The following CDH12 variants were observed in gnomAD, a reference collection of about 807,000 sequenced individuals.
CDH12 encodes cadherin 12.
Under a neutral mutation model 74.1 loss-of-function variants are expected in CDH12, and 41 were observed. The observed-to-expected ratio is 0.55, with a 90% CI of 0.43 to 0.72. CDH12 has a LOEUF of 0.72. Ranked by LOEUF, CDH12 falls within the 30% of genes least tolerant of loss-of-function variation. The pLI, the probability that CDH12 is intolerant of heterozygous loss-of-function variation, is 0.00. For missense variants in CDH12, 945 were observed against 977.2 expected (o/e 0.97, Z 0.44); for synonymous variants, 399 against 355.0 (o/e 1.12, Z -1.39).
At chr5:22,357,546 C>T (rs944123084) in intron 3 of CDH12, among the ~76,000 whole-genome samples, 6 of 151,968 alleles carry the variant, frequency 3.9e-5, no homozygotes, top group Non-Finnish European at 5.9e-5. Context: ...TGATTGTCAA[C>T]GTATTAACAT....
intron 1 of CDH12, among the ~76,000 whole-genome samples, chr5:22,564,624 G>C (rs1367897487): frequency 6.6e-6 from 1 of 151,476 alleles, no homozygotes; most frequent in Non-Finnish European, 1.5e-5. Flanking sequence ...TTTTCTTATT[G>C]GTTTGTTATT....
chr5:22,289,622 C>G (rs1310089948), intron 3 of CDH12, among the ~76,000 whole-genome samples: 1 of 152,066 alleles, frequency 6.6e-6, no homozygotes, highest in African/African-American at 2.4e-5. Context: ...AGTGGGAGAT[C>G]ACAGTACCTG....
At chr5:22,689,671 T>C (rs1281236672) in intron 1 of CDH12, among the ~76,000 whole-genome samples, 3 of 152,114 alleles carry the variant, frequency 2.0e-5, no homozygotes, top group African/African-American at 7.2e-5. Context: ...AAGATCAAGC[T>C]AGACAGGTTT....
chr5:22,084,390 A>G lies in CDH12; in HGVS notation c.-186-5528T>C, dbSNP rs115992333. On this transcript the variant is annotated intron_variant, in intron 4 of 14. Transcript: ENST00000382254. ...ACTTAATGGATTAATAAAAATATTGACTTTGGAACAAGAAAGATCTGAAGT... is the reference window on the plus strand; with the variant it reads ...ACTTAATGGATTAATAAAAATATTGGCTTTGGAACAAGAAAGATCTGAAGT... Among the ~76,000 whole-genome samples the G allele has an allele frequency of 6.2e-3, 940 of 152,288 alleles. 9 individuals carry two copies. Among genetic ancestry groups the G allele is most frequent in the African/African-American group, 0.022 (901 of 41,564 alleles).
chr5:21,938,748 A>ATATATATATATATATATATATATC (rs1490336535), intron 6 of CDH12, among the ~76,000 whole-genome samples: 6 of 136,586 alleles, frequency 4.4e-5, no homozygotes, highest in African/African-American at 1.5e-4. Flanking sequence ...ATATATATAT[A>ATATATATATATATATATATATATC]TCTTCTACAT....
At chr5:22,491,759 A>G (rs527816472) in intron 2 of CDH12, among the ~76,000 whole-genome samples, 1 of 152,342 alleles carries the variant, frequency 6.6e-6, no homozygotes, top group South Asian at 2.1e-4. Flanking sequence ...TGGCTTAAAC[A>G]ATAGACAATT....
At chr5:22,175,487 A>G (rs1749280001) in intron 4 of CDH12, among the ~76,000 whole-genome samples, 1 of 152,126 alleles carries the variant, frequency 6.6e-6, no homozygotes, top group African/African-American at 2.4e-5. Context: ...ATATGTATAT[A>G]TCTATAAATG....
chr5:22,235,887 G>A (rs139669530), intron 3 of CDH12, among the ~76,000 whole-genome samples: 289 of 152,276 alleles, frequency 1.9e-3, no homozygotes, highest in African/African-American at 6.6e-3. Context: ...CCTAGACGGT[G>A]TAGCATACTA....
intron 1 of CDH12, among the ~76,000 whole-genome samples, chr5:22,844,103 C>T (rs780409004): frequency 2.5e-4 from 38 of 152,114 alleles, no homozygotes; most frequent in Non-Finnish European, 4.9e-4. Context: ...CATTCTGTTC[C>T]GGAAGACATC....
At chr5:21,958,281 G>A (rs1364839270) in intron 6 of CDH12, among the ~76,000 whole-genome samples, 1 of 152,036 alleles carries the variant, frequency 6.6e-6, no homozygotes, top group East Asian at 1.9e-4. Flanking sequence ...CTTTATAGCA[G>A]TGTGAAAATG....
intron 1 of CDH12, among the ~76,000 whole-genome samples, chr5:22,563,086 A>C (rs1424127975): frequency 6.8e-6 from 1 of 148,032 alleles, no homozygotes; most frequent in Non-Finnish European, 1.5e-5. Context: ...TTATATATAT[A>C]TATGTAAATT....
intron 11 of CDH12, among the ~76,000 whole-genome samples, chr5:21,774,668 A>G (rs1438098317): frequency 6.6e-6 from 1 of 152,208 alleles, no homozygotes; most frequent in African/African-American, 2.4e-5. Flanking sequence ...AGTTTTATAT[A>G]GTTACTTGGG....
At chr5:21,752,670 G>T (rs186726963) in intron 14 of CDH12, among the ~76,000 whole-genome samples, 3 of 152,006 alleles carry the variant, frequency 2.0e-5, no homozygotes, top group Admixed American at 2.0e-4. Context: ...TTTCTTATGC[G>T]ATAAGCCCAA....
At chr5:21,923,330 C>T (rs909152034) in intron 6 of CDH12, among the ~76,000 whole-genome samples, 11 of 152,010 alleles carry the variant, frequency 7.2e-5, no homozygotes, top group Admixed American at 2.0e-4. Flanking sequence ...CCCTGTCTCT[C>T]GTGTGTGGGT....
At chr5:22,134,556 T>C (rs1021397350) in intron 4 of CDH12, among the ~76,000 whole-genome samples, 2 of 147,540 alleles carry the variant, frequency 1.4e-5, no homozygotes, top group African/African-American at 5.0e-5. Context: ...CATCTTTTTA[T>C]AAGCAGCTGA....
intron 3 of CDH12, among the ~76,000 whole-genome samples, chr5:22,255,374 TATTA>T (rs1027720908): frequency 4.0e-5 from 6 of 151,732 alleles, no homozygotes; most frequent in Non-Finnish European, 5.9e-5. Context: ...TACCTATAAT[TATTA>T]ATTATAGATA....
chr5:21,771,955 G>C (rs1745345077), intron 11 of CDH12, among the ~76,000 whole-genome samples: 2 of 152,136 alleles, frequency 1.3e-5, no homozygotes, highest in African/African-American at 4.8e-5. Flanking sequence ...TCATTCGTAA[G>C]ATCTTTGTTT....
chr5:21,972,121 AT>A (rs2150120121), intron 6 of CDH12, among the ~76,000 whole-genome samples: 1 of 152,234 alleles, frequency 6.6e-6, no homozygotes, highest in South Asian at 2.1e-4. Flanking sequence ...TTGCAGGTTT[AT>A]TTGTTCATAT....
intron 8 of CDH12, among the ~76,000 whole-genome samples, chr5:21,817,464 T>C (rs950449085): frequency 6.6e-6 from 1 of 151,918 alleles, no homozygotes; most frequent in African/African-American, 2.4e-5. Flanking sequence ...ATTCATGAAA[T>C]TAATTGGTAC....
Sources: allele counts gnomAD v4.1 joint callset (sites outside exome capture counted in the v4.1 genomes callset), GRCh38; gene constraint gnomAD v4.1.1; transcripts MANE v1.5; gene names NCBI Gene and HGNC (gene_info 2026-07-23, HGNC 2026-07-21).